ASIC2: variants seen among roughly 807,000 people sequenced by gnomAD.
ASIC2 encodes acid-sensing ion channel 2.
ASIC2 carries 25 observed loss-of-function variants against 57.3 expected under a neutral mutation model. That is an observed-to-expected ratio of 0.44 (90% CI 0.32 to 0.61). The LOEUF (loss-of-function observed/expected upper bound fraction) is 0.61. ASIC2 is among the 20% of genes least tolerant of loss of function. The pLI, the probability that ASIC2 is intolerant of heterozygous loss-of-function variation, is 0.06. For synonymous variants in ASIC2, 319 were observed against 307.5 expected (o/e 1.04, Z -0.39); for missense variants, 641 against 738.1 (o/e 0.87, Z 1.52).
chr17:33,527,350 C>T (rs1401332944), intron 1 of ASIC2, among the ~76,000 whole-genome samples: 1 of 152,202 alleles, frequency 6.6e-6, no homozygotes. Context: ...TCAGAAGTAG[C>T]TGAAACCAAG....
intron 1 of ASIC2, among the ~76,000 whole-genome samples, chr17:34,108,752 G>A (rs1289679679): frequency 1.3e-5 from 2 of 151,952 alleles, no homozygotes; most frequent in African/African-American, 4.8e-5. Context: ...TAGCAGATAT[G>A]TCTATTTTGA....
intron 1 of ASIC2, among the ~76,000 whole-genome samples, chr17:34,065,029 G>A (rs1233820873): frequency 6.6e-6 from 1 of 152,178 alleles, no homozygotes; most frequent in Non-Finnish European, 1.5e-5. Flanking sequence ...CCCCTACTGG[G>A]TATCTATCCA....
At chr17:33,407,156 C>G (rs551878145) in intron 1 of ASIC2, among the ~76,000 whole-genome samples, 39 of 152,180 alleles carry the variant, frequency 2.6e-4, no homozygotes, top group Non-Finnish European at 4.9e-4. Flanking sequence ...ATAGCAATAG[C>G]TGACATTTAT....
At chr17:33,104,339 T>A (rs1258086309) in intron 2 of ASIC2, among the ~76,000 whole-genome samples, 2 of 152,162 alleles carry the variant, frequency 1.3e-5, no homozygotes, top group Admixed American at 6.5e-5. Context: ...TGCAGAAAGG[T>A]CATGAGCTTC....
chr17:33,108,661 C>T (rs545518130), intron 2 of ASIC2, among the ~76,000 whole-genome samples: 1 of 152,208 alleles, frequency 6.6e-6, no homozygotes, highest in Admixed American at 6.5e-5. Context: ...TTTGAGGTGA[C>T]CAGCATCTGC....
chr17:33,887,621 T>A (rs1268480134), intron 1 of ASIC2, among the ~76,000 whole-genome samples: 1 of 152,162 alleles, frequency 6.6e-6, no homozygotes, highest in Admixed American at 6.5e-5. Context: ...TTTGTGGTTC[T>A]GGGTGTACAT....
In ASIC2 at chr17:33,969,092, C is replaced by T. The variant is rs181808700; in HGVS notation, c.555+186886G>A. 2.6e-5 allele frequency among the ~76,000 whole-genome samples: 4 copies of T among 152,280 alleles called. No individual in the cohort carries two copies. The East Asian group carries it at 7.7e-4, about 29-fold the overall frequency. ...TGATTCTGGAGTGGGGTTCAGACGTCTGTATTTGCATAAGACTCTCCAGGT... is the reference window on the plus strand; with the variant it reads ...TGATTCTGGAGTGGGGTTCAGACGTTTGTATTTGCATAAGACTCTCCAGGT... On this transcript the variant is annotated intron_variant, in intron 1 of 9. Coordinates refer to the ASIC2 transcript ENST00000359872.
chr17:33,361,598 T>C lies in ASIC2; in HGVS notation c.556-249531A>G, dbSNP rs1406737325. Among the ~76,000 whole-genome samples the C allele has an allele frequency of 2.6e-5, 4 of 152,202 alleles. No homozygotes were observed. The East Asian group carries it at 7.7e-4, about 29-fold the overall frequency. The stretch of plus-strand genomic sequence containing the variant: ...TGTTGTAATAATACCCAGCATCCTA[T>C]CTAAGCTTTATGATAACAGTCAAGA... On this transcript the variant is annotated intron_variant, in intron 1 of 9. Transcript: ENST00000359872.
chr17:33,556,725 A>G, intron 1 of ASIC2, among the ~76,000 whole-genome samples: 1 of 152,196 alleles, frequency 6.6e-6, no homozygotes, highest in African/African-American at 2.4e-5. Context: ...AGGTATATGT[A>G]TTAGTGTTTA....
At position 34,099,779 on chromosome 17, in the gene ASIC2, A is replaced by T. The variant is rs557065272; in HGVS notation, c.555+56199T>A. On this transcript the variant is annotated intron_variant, in intron 1 of 9. Transcript: ENST00000359872. ...GAAAGAAAGAAAGAAAGAAAGAAAG[A>T]AAGAAAGAAAGAAAGAAAGAAAGAA... is the stretch of plus-strand genomic sequence containing the variant. 7.2e-4 allele frequency among the ~76,000 whole-genome samples: 41 copies of T among 57,026 alleles called. 1 individual carries two copies. Among genetic ancestry groups the T allele is most frequent in the Non-Finnish European group, 1.3e-3 (37 of 27,802 alleles). The allele number at this position is 57,026 out of a possible 152,430, so 37.4% of individuals were successfully genotyped here.
chr17:33,029,181 A>T (rs1021107550), intron 3 of ASIC2, among the ~76,000 whole-genome samples: 2 of 152,250 alleles, frequency 1.3e-5, no homozygotes, highest in African/African-American at 4.8e-5. Context: ...GCACTATTCA[A>T]TATATTCTAA....
At chr17:33,307,985 C>A (rs1302451041) in intron 1 of ASIC2, among the ~76,000 whole-genome samples, 1 of 152,188 alleles carries the variant, frequency 6.6e-6, no homozygotes, top group African/African-American at 2.4e-5. Flanking sequence ...TTAAGATTTT[C>A]TTATTCATCT....
chr17:33,824,322 G>A (rs1288680145), intron 1 of ASIC2, among the ~76,000 whole-genome samples: 1 of 152,136 alleles, frequency 6.6e-6, no homozygotes, highest in Non-Finnish European at 1.5e-5. Flanking sequence ...TGTGAAGAAG[G>A]AAATTAAAAG....
At chr17:33,100,460 C>G (rs1472874282) in intron 2 of ASIC2, 1 of 152,380 alleles carries the variant, frequency 6.6e-6, no homozygotes, top group Non-Finnish European at 1.5e-5. Flanking sequence ...GTCAACTTCT[C>G]TCTAAAGCCT....
At chr17:33,875,569 A>T (rs996237576) in intron 1 of ASIC2, among the ~76,000 whole-genome samples, 1 of 152,112 alleles carries the variant, frequency 6.6e-6, no homozygotes, top group Non-Finnish European at 1.5e-5. Flanking sequence ...TCAGTCCCCA[A>T]AGCCCCATTT....
At chr17:33,714,535 T>C (rs1490110913) in intron 1 of ASIC2, among the ~76,000 whole-genome samples, 2 of 152,172 alleles carry the variant, frequency 1.3e-5, no homozygotes, top group African/African-American at 2.4e-5. Flanking sequence ...TTGTGTTAAA[T>C]AAAAACACAC....
intron 1 of ASIC2, among the ~76,000 whole-genome samples, chr17:34,045,202 C>T (rs1908291819): frequency 6.6e-6 from 1 of 152,146 alleles, no homozygotes; most frequent in South Asian, 2.1e-4. Context: ...CACCACTCTT[C>T]CCCTCCATCC....
intron 3 of ASIC2, among the ~76,000 whole-genome samples, chr17:33,051,082 C>A (rs1430374338): frequency 6.6e-6 from 1 of 152,096 alleles, no homozygotes; most frequent in African/African-American, 2.4e-5. Flanking sequence ...TTGTCTAATA[C>A]CAGATGGTGC....
chr17:34,110,372 G>T (rs1280132300), intron 1 of ASIC2, among the ~76,000 whole-genome samples: 1 of 152,182 alleles, frequency 6.6e-6, no homozygotes, highest in Non-Finnish European at 1.5e-5. Context: ...TGGGAAGGCT[G>T]CCTTCTGTGA....
Sources: gnomAD v4.1 joint callset for allele counts (sites outside exome capture counted in the v4.1 genomes callset) on GRCh38, gnomAD v4.1.1 for gene constraint, MANE v1.5 for transcripts, NCBI Gene and HGNC (gene_info 2026-07-23, HGNC 2026-07-21) for gene names.